DPP10: variants seen among roughly 807,000 people sequenced by gnomAD.
DPP10 encodes inactive dipeptidyl peptidase 10.
A neutral mutation model predicts 120.9 loss-of-function variants in DPP10; 33 were observed. The ratio of observed to expected loss-of-function variants is 0.27; its 90% CI spans 0.21 to 0.37. DPP10 has a LOEUF of 0.37. DPP10 is among the 10% of genes least tolerant of loss of function. The pLI is 1.00. For synonymous variants in DPP10, 337 were observed against 326.1 expected, an observed-to-expected ratio of 1.03 and a Z score of -0.36; for missense variants, 816 against 942.8, an observed-to-expected ratio of 0.87 and a Z score of 1.76.
intron 17 of DPP10, among the ~76,000 whole-genome samples, chr2:115,789,047 G>A (rs1336881303): frequency 2.0e-5 from 3 of 152,186 alleles, no homozygotes; most frequent in Middle Eastern, 3.4e-3. Flanking sequence ...GAACCTGGGA[G>A]GCGGAGCTTG....
intron 5 of DPP10, among the ~76,000 whole-genome samples, chr2:115,569,812 A>G (rs1283512363): frequency 1.3e-5 from 2 of 152,216 alleles, no homozygotes; most frequent in Non-Finnish European, 2.9e-5. Flanking sequence ...ACATTGTCAC[A>G]TGGTCATTAT....
At chr2:114,921,624 CTT>C (rs934619442) in intron 1 of DPP10, among the ~76,000 whole-genome samples, 1 of 152,130 alleles carries the variant, frequency 6.6e-6, no homozygotes, top group Non-Finnish European at 1.5e-5. Context: ...TCAAAATTCT[CTT>C]AAGGGTTGTA....
chr2:115,067,565 T>C (rs1428058997), intron 1 of DPP10, among the ~76,000 whole-genome samples: 4 of 143,130 alleles, frequency 2.8e-5, no homozygotes, highest in Non-Finnish European at 4.6e-5. Context: ...ATTTCCTCTT[T>C]TTAAAAAAAG....
intron 1 of DPP10, among the ~76,000 whole-genome samples, chr2:115,286,541 A>ATT (rs2060410573): frequency 2.0e-5 from 2 of 102,054 alleles, no homozygotes; most frequent in Non-Finnish European, 4.1e-5. Flanking sequence ...ATATATATAT[A>ATT]AAATATATAC....
chr2:115,318,059 T>C (rs1176287337), intron 2 of DPP10, among the ~76,000 whole-genome samples: 2 of 152,100 alleles, frequency 1.3e-5, no homozygotes, highest in African/African-American at 4.8e-5. Context: ...TTTTTTTAAA[T>C]GAGTTTATGG....
At chr2:115,702,898 A>G (rs2091949781) in intron 7 of DPP10, among the ~76,000 whole-genome samples, 1 of 152,104 alleles carries the variant, frequency 6.6e-6, no homozygotes, top group East Asian at 1.9e-4. Context: ...AAGTCCTACA[A>G]CAGTAAGTTA....
Position 115,459,938 on chromosome 2 carries a change from T to TATATATATATATAGACAC in DPP10, c.272-39571_272-39570insTATATATATATAGACACA, listed in dbSNP as rs66927327. ...AAAACATATATTTTATATATATATATACACACACACACCTTTGTTTGCATT... is the reference window on the plus strand; with the variant it reads ...AAAACATATATTTTATATATATATATATATATATATATAGACACACACACACACACCTTTGTTTGCATT... On this transcript the variant is annotated intron_variant, in intron 3 of 25. Coordinates refer to ENST00000410059, the MANE Select transcript of DPP10 (RefSeq NM_020868.6). Among the ~76,000 whole-genome samples, 27 of 128,528 alleles carry TATATATATATATAGACAC rather than the reference T, an allele frequency of 2.1e-4. No individual in the cohort carries two copies. The South Asian group carries it at 5.7e-3, about 27-fold the overall frequency. 84.3% of individuals were successfully genotyped at this position (128,528 alleles called of 152,430 possible). A position where few individuals can be genotyped will look rare whatever the true frequency, so the allele number is the denominator to read the frequency against.
intron 1 of DPP10, among the ~76,000 whole-genome samples, chr2:115,270,065 TTCACAC>T (rs1322094016): frequency 2.2e-5 from 2 of 89,494 alleles, no homozygotes; most frequent in South Asian, 3.9e-4. Context: ...CTAGGTATAC[TTCACAC>T]ACACACACAC....
chr2:114,726,798 A>G (rs954670380), intron 1 of DPP10, among the ~76,000 whole-genome samples: 1 of 152,240 alleles, frequency 6.6e-6, no homozygotes, highest in Non-Finnish European at 1.5e-5. Flanking sequence ...TGCAAGGATA[A>G]GCTCATTTTT....
chr2:114,804,357 C>T (rs576312321), intron 1 of DPP10, among the ~76,000 whole-genome samples: 1 of 151,944 alleles, frequency 6.6e-6, no homozygotes, highest in African/African-American at 2.4e-5. Flanking sequence ...AGAGTCCCTA[C>T]TGGGTCACTG....
intron 5 of DPP10, among the ~76,000 whole-genome samples, chr2:115,549,945 C>CGGGAAAA (rs2079771983): frequency 6.6e-6 from 1 of 152,090 alleles, no homozygotes; most frequent in South Asian, 2.1e-4. Flanking sequence ...CCCTTTTTCC[C>CGGGAAAA]ACATCACACA....
At chr2:115,228,335 A>G (rs2057547476) in intron 1 of DPP10, among the ~76,000 whole-genome samples, 1 of 151,906 alleles carries the variant, frequency 6.6e-6, no homozygotes, top group Non-Finnish European at 1.5e-5. Context: ...CACCTTAAGC[A>G]TTTACCCTTT....
intron 5 of DPP10, among the ~76,000 whole-genome samples, chr2:115,537,296 A>G (rs2078907861): frequency 1.3e-5 from 2 of 152,030 alleles, no homozygotes; most frequent in African/African-American, 4.8e-5. Context: ...AGTATCTAAG[A>G]CAATAAAGCA....
At chr2:114,451,678 A>G (rs1678283036) in intron 1 of DPP10, among the ~76,000 whole-genome samples, 1 of 152,184 alleles carries the variant, frequency 6.6e-6, no homozygotes, top group Non-Finnish European at 1.5e-5. Flanking sequence ...GCAAATGCAT[A>G]CATGGAGCTG....
intron 4 of DPP10, among the ~76,000 whole-genome samples, chr2:115,525,511 G>A (rs1437636772): frequency 6.6e-6 from 1 of 151,958 alleles, no homozygotes; most frequent in Non-Finnish European, 1.5e-5. Context: ...CACAGAGACA[G>A]AAAATTATGA....
chr2:115,113,382 A>G (rs1210889287), intron 1 of DPP10, among the ~76,000 whole-genome samples: 1 of 151,022 alleles, frequency 6.6e-6, no homozygotes, highest in South Asian at 2.1e-4. Flanking sequence ...TGTTAGCCTT[A>G]AATTCTCATT....
At chr2:115,598,909 T>A (rs899734760) in intron 5 of DPP10, among the ~76,000 whole-genome samples, 2 of 151,650 alleles carry the variant, frequency 1.3e-5, no homozygotes, top group African/African-American at 4.8e-5. Flanking sequence ...TTATTCGATA[T>A]TAATTTTTGA....
chr2:115,612,567 T>C (rs2084189531), intron 5 of DPP10, among the ~76,000 whole-genome samples: 1 of 152,182 alleles, frequency 6.6e-6, no homozygotes. Flanking sequence ...ACCTCTAATA[T>C]AGTGACGTGT....
At chr2:115,039,449 C>T (rs1274981162) in intron 1 of DPP10, among the ~76,000 whole-genome samples, 2 of 152,064 alleles carry the variant, frequency 1.3e-5, no homozygotes, top group African/African-American at 4.8e-5. Flanking sequence ...AAAGAAACAG[C>T]TGTGTTTCTG....
Sources: gnomAD v4.1 joint callset for allele counts (sites outside exome capture counted in the v4.1 genomes callset) on GRCh38, gnomAD v4.1.1 for gene constraint, MANE v1.5 for transcripts, NCBI Gene and HGNC (gene_info 2026-07-23, HGNC 2026-07-21) for gene names.